Variants in CFAP20DC observed in about 807,000 individuals in gnomAD.
The protein encoded by CFAP20DC is protein CFAP20DC.
A neutral mutation model predicts 101.7 loss-of-function variants in CFAP20DC; 84 were observed. The observed-to-expected ratio is 0.83, with a 90% CI of 0.69 to 0.99. The LOEUF is 0.99. Among genes scored for constraint, CFAP20DC ranks in the 50% least tolerant of loss-of-function variants. The pLI, the probability that CFAP20DC is intolerant of heterozygous loss-of-function variation, is 0.00. For synonymous variants in CFAP20DC, 359 were observed against 351.2 expected (o/e 1.02, Z -0.25); for missense variants, 1,007 against 970.3 (o/e 1.04, Z -0.50).
At chr3:58,985,643 G>A (rs2092725650) in intron 4 of CFAP20DC, among the ~76,000 whole-genome samples, 1 of 152,146 alleles carries the variant, frequency 6.6e-6, no homozygotes, top group African/African-American at 2.4e-5. Flanking sequence ...ATCCAAAAAT[G>A]CCGTGCTTAC....
chr3:59,049,005 C>T (rs1700101133), intron 1 of CFAP20DC, among the ~76,000 whole-genome samples: 1 of 152,144 alleles, frequency 6.6e-6, no homozygotes, highest in South Asian at 2.1e-4. Flanking sequence ...AGTTAAAAAG[C>T]TTAATCAAGT....
chr3:58,907,856 G>A (rs535085629), intron 6 of CFAP20DC, among the ~76,000 whole-genome samples: 62 of 152,208 alleles, frequency 4.1e-4, no homozygotes, highest in Middle Eastern at 3.4e-3. Flanking sequence ...AAAGGAATAC[G>A]GGGTTATACA....
chr3:58,943,809 G>C (rs1027756303), intron 4 of CFAP20DC, among the ~76,000 whole-genome samples: 2 of 152,004 alleles, frequency 1.3e-5, no homozygotes, highest in Admixed American at 6.6e-5. Context: ...CCCAATGCAA[G>C]GTAGCTAAGA....
chr3:58,941,713 C>T (rs1047337349), intron 4 of CFAP20DC, among the ~76,000 whole-genome samples: 7 of 151,886 alleles, frequency 4.6e-5, no homozygotes, highest in South Asian at 4.2e-4. Context: ...GGACTACAGG[C>T]GCCCGCCACT....
chr3:59,019,521 C>A (rs940830718), intron 4 of CFAP20DC, among the ~76,000 whole-genome samples: 4 of 151,818 alleles, frequency 2.6e-5, no homozygotes, highest in African/African-American at 7.3e-5. Flanking sequence ...CCCTAAATGA[C>A]CCTGCAGGAC....
At chr3:58,815,461 G>T (rs1461652636) in intron 14 of CFAP20DC, among the ~76,000 whole-genome samples, 13 of 149,074 alleles carry the variant, frequency 8.7e-5, no homozygotes, top group Non-Finnish European at 1.9e-4. Context: ...AGGACTTCAT[G>T]TCTAAAACAC....
rs2084324851 is a variant in CFAP20DC, at chr3:58,913,173, G to A, written c.550+535C>T. 7.9e-5 allele frequency among the ~76,000 whole-genome samples: 12 copies of A among 152,170 alleles called. No individual in the cohort carries two copies. Among genetic ancestry groups the A allele is most frequent in the Admixed American group, 7.9e-4 (12 of 15,264 alleles). On this transcript the variant is annotated intron_variant, in intron 6 of 16. Transcript: ENST00000482387. This position sits in a 1 kb window ranked among gnomAD's most constrained non-coding sequence, Gnocchi z 4.4. ...AAACATCCTACTTTCAGGGGCTGCT[G>A]TAACAGAAATTATGGAACTTATAGC...
At chr3:58,755,953 G>T (rs1356340125) in intron 15 of CFAP20DC, among the ~76,000 whole-genome samples, 2 of 152,124 alleles carry the variant, frequency 1.3e-5, no homozygotes, top group African/African-American at 4.8e-5. Context: ...TTAAAATAAT[G>T]TTTCATGACA....
At chr3:58,908,168 T>C (rs971673053) in intron 6 of CFAP20DC, among the ~76,000 whole-genome samples, 9 of 152,236 alleles carry the variant, frequency 5.9e-5, no homozygotes, top group African/African-American at 1.9e-4. Context: ...TCCCAAAGTC[T>C]TGCAATGCAG....
At chr3:58,767,773 G>C (rs2070453009) in intron 15 of CFAP20DC, among the ~76,000 whole-genome samples, 2 of 152,160 alleles carry the variant, frequency 1.3e-5, no homozygotes, top group Non-Finnish European at 2.9e-5. Flanking sequence ...TCTCTAACCA[G>C]ATTCTTAATA....
intron 4 of CFAP20DC, among the ~76,000 whole-genome samples, chr3:58,969,821 G>A (rs1047475117): frequency 1.3e-5 from 2 of 152,136 alleles, no homozygotes; most frequent in African/African-American, 4.8e-5. Context: ...TGAAGTATTT[G>A]AAATAGGCAA....
At chr3:58,765,490 C>CAAAAAAAAAAAAAAAAAAAAAAAAACA (rs1337049385) in intron 15 of CFAP20DC, among the ~76,000 whole-genome samples, 1 of 81,822 alleles carries the variant, frequency 1.2e-5, no homozygotes, top group Non-Finnish European at 2.5e-5. Flanking sequence ...AAAAAAAAAC[C>CAAAAAAAAAAAAAAAAAAAAAAAAACA]AAAAAAAAAA....
chr3:58,856,400 C>T (rs1171872323), intron 12 of CFAP20DC, among the ~76,000 whole-genome samples: 32 of 151,746 alleles, frequency 2.1e-4, no homozygotes, highest in Admixed American at 1.9e-3. Context: ...ATCTGTGGGC[C>T]GTTACTTTGT....
chr3:59,016,381 G>A (rs187890245), intron 4 of CFAP20DC, among the ~76,000 whole-genome samples: 19 of 152,228 alleles, frequency 1.2e-4, no homozygotes, highest in African/African-American at 4.6e-4. Flanking sequence ...TTGGGTATGA[G>A]AGGATGGGAA....
intron 15 of CFAP20DC, among the ~76,000 whole-genome samples, chr3:58,798,596 T>C (rs1191423320): frequency 4.6e-5 from 7 of 152,182 alleles, no homozygotes; most frequent in Admixed American, 4.6e-4. Flanking sequence ...AGCAGCATGG[T>C]TGGGCAAGAT....
At chr3:58,826,786 C>T (rs1402679486) in intron 14 of CFAP20DC, among the ~76,000 whole-genome samples, 1 of 152,186 alleles carries the variant, frequency 6.6e-6, no homozygotes, top group Non-Finnish European at 1.5e-5. Context: ...AAGGAATTCA[C>T]AACCAGGCCT....
At chr3:58,811,296 T>C (rs2074608403) in intron 14 of CFAP20DC, among the ~76,000 whole-genome samples, 1 of 152,154 alleles carries the variant, frequency 6.6e-6, no homozygotes, top group African/African-American at 2.4e-5. Flanking sequence ...GTTACCTGAC[T>C]GCAAAGTATA....
At chr3:58,790,597 T>C (rs2072766601) in intron 15 of CFAP20DC, among the ~76,000 whole-genome samples, 2 of 152,156 alleles carry the variant, frequency 1.3e-5, no homozygotes, top group South Asian at 4.1e-4. Context: ...GCTATAGCAA[T>C]AGTCCAGGAG....
intron 6 of CFAP20DC, among the ~76,000 whole-genome samples, chr3:58,898,904 CT>C (rs1276185883): frequency 6.7e-6 from 1 of 149,216 alleles, no homozygotes; most frequent in African/African-American, 2.5e-5. Context: ...GTTGTTTTCT[CT>C]TTGTTTTTTT....
Sources: gnomAD v4.1 joint callset for allele counts (sites outside exome capture counted in the v4.1 genomes callset) on GRCh38, gnomAD v4.1.1 for gene constraint, Gnocchi (gnomAD v3.1) non-coding constraint, MANE v1.5 for transcripts, NCBI Gene and HGNC (gene_info 2026-07-23, HGNC 2026-07-21) for gene names.